ECT2L: variants seen among roughly 807,000 people sequenced by gnomAD.
The protein encoded by ECT2L is epithelial cell transforming 2 like, also known as epithelial cell-transforming sequence 2 oncogene-like.
In ECT2L, 126 loss-of-function variants were observed where a neutral mutation model predicts 122.8. The ratio of observed to expected loss-of-function variants is 1.03; its 90% confidence interval spans 0.89 to 1.19. The LOEUF (loss-of-function observed/expected upper bound fraction) is 1.19, where lower values mean the gene tolerates loss of function less well. ECT2L is among the 50% of genes most tolerant of loss of function. The pLI is 0.00. For missense variants in ECT2L, 1,012 were observed against 1,064.1 expected, an observed-to-expected ratio of 0.95 and a Z score of 0.68; for synonymous variants, 385 against 381.8, an observed-to-expected ratio of 1.01 and a Z score of -0.10.
Position 138,903,782 on chromosome 6 carries a change from C to T in ECT2L, c.*1155C>T, listed in dbSNP as rs903569166. 1.3e-5 allele frequency: 2 copies of T among 152,104 alleles called. No homozygotes were observed. Among genetic ancestry groups the T allele is most frequent in the African/African-American group, 4.8e-5 (2 of 41,412 alleles). The allele number at this position is 152,104 out of a possible 1,614,324, so 9.4% of individuals were successfully genotyped here. ...CATACTGAAAGCCACTTGGAAACTT[C>T]AGCTGATGTATATTTTTACCTAGAT... On this transcript the variant is annotated 3_prime_UTR_variant, in exon 22 of 22. Coordinates refer to ENST00000541398, the MANE Select transcript of ECT2L (RefSeq NM_001077706.3).
Position 138,838,380 on chromosome 6 carries a change from A to AAACTGGTT in ECT2L, c.208_209insAACTGGTT (p.Met70LysfsTer27). 1 of 1,610,456 alleles carries AAACTGGTT rather than the reference A, an allele frequency of 6.2e-7. No individual in the cohort carries two copies. The highest frequency in any genetic ancestry group is 8.5e-7 in the Non-Finnish European group (1 of 1,178,810). Reference sequence around the variant, plus strand: ...TGTCCAAGACTGGTTTTCAGAAAGGATGCAAGTGGCCAAAGTGGACTTCTC... The same window carrying AAACTGGTT: ...TGTCCAAGACTGGTTTTCAGAAAGGAAACTGGTTTGCAAGTGGCCAAAGTGGACTTCTC... On this transcript the variant is annotated frameshift_variant, in exon 5 of 22. Transcript: ENST00000541398. LOFTEE classifies it high-confidence loss of function.
chr6:138,882,954 T>G, intron 16 of ECT2L, 83 bp downstream of exon 16: 1 of 1,427,242 alleles, frequency 7.0e-7, no homozygotes, highest in Non-Finnish European at 9.6e-7. Flanking sequence ...CCAGCGTTAA[T>G]AAGAAAGGCT....
In ECT2L at chr6:138,824,579, AAC is replaced by A. The variant is rs148512720; in HGVS notation, c.179+9978_179+9979del. Among the ~76,000 whole-genome samples the A allele has an allele frequency of 1.5e-3, 146 of 96,626 alleles. 1 individual carries two copies. The highest frequency in any genetic ancestry group is 7.3e-3 in the South Asian group (28 of 3,816). The allele number at this position is 96,626 out of a possible 152,430, so 63.4% of individuals were successfully genotyped here. On this transcript the variant is annotated intron_variant, in intron 4 of 21. Transcript: ENST00000541398. ...ACTATAAAAAAAAACAAAAAACAAA[AAC>A]AAAAAAAACACAAAACAGTGCTTAG... is the stretch of plus-strand genomic sequence containing the variant.
In ECT2L at chr6:138,899,887, G is replaced by A. The variant is rs191278838; in HGVS notation, c.2415-1061G>A. ...CCCAGGCTATCACCACTCACTGCTCGGCTAGAACACTCCCACAGGACAAAT... is the reference window on the plus strand; with the variant it reads ...CCCAGGCTATCACCACTCACTGCTCAGCTAGAACACTCCCACAGGACAAAT... On this transcript the variant is annotated intron_variant, in intron 20 of 21. Transcript: ENST00000541398. Among the ~76,000 whole-genome samples, 25 of 152,260 alleles carry A rather than the reference G, an allele frequency of 1.6e-4. No homozygotes were observed. The East Asian group carries it at 2.9e-3, about 18-fold the overall frequency.
At chr6:138,879,975 T>TAAAATA (rs35176610) in intron 14 of ECT2L, among the ~76,000 whole-genome samples, 3 of 151,526 alleles carry the variant, frequency 2.0e-5, no homozygotes, top group Non-Finnish European at 2.9e-5. Context: ...TAAAATAAAA[T>TAAAATA]AAATAAATAC....
At chr6:138,899,346 G>A (rs755073042) in intron 20 of ECT2L, among the ~76,000 whole-genome samples, 35 of 152,146 alleles carry the variant, frequency 2.3e-4, no homozygotes, top group Admixed American at 7.2e-4. Flanking sequence ...AACTTGAAGT[G>A]ATTTCCATTG....
chr6:138,888,372 A>T (rs1054915731), intron 19 of ECT2L, among the ~76,000 whole-genome samples: 1 of 143,214 alleles, frequency 7.0e-6, no homozygotes, highest in African/African-American at 2.6e-5. Flanking sequence ...GCTGGAGTGC[A>T]GTGGCACGAT....
chr6:138,825,678 C>T (rs1776422954), intron 4 of ECT2L, among the ~76,000 whole-genome samples: 1 of 152,166 alleles, frequency 6.6e-6, no homozygotes, highest in Non-Finnish European at 1.5e-5. Context: ...AGCCTTTTTA[C>T]ACTTCTGTGC....
intron 12 of ECT2L, 84 bp from the exon 13 acceptor site, chr6:138,868,019 A>G: frequency 2.4e-6 from 2 of 833,678 alleles, no homozygotes; most frequent in Admixed American, 3.3e-5. Flanking sequence ...AAAAAAAAAA[A>G]GAAACTGTGA....
At chr6:138,886,393 G>A (rs1160290681) in intron 18 of ECT2L, among the ~76,000 whole-genome samples, 1 of 152,004 alleles carries the variant, frequency 6.6e-6, no homozygotes, top group African/African-American at 2.4e-5. Flanking sequence ...AAAACATTGG[G>A]TACAGAAAAT....
At chr6:138,843,578 G>A (rs1371145145) in intron 6 of ECT2L, among the ~76,000 whole-genome samples, 2 of 152,160 alleles carry the variant, frequency 1.3e-5, no homozygotes, top group African/African-American at 4.8e-5. Flanking sequence ...ATGAAAAGAG[G>A]AGGAGAAATG....
chr6:138,828,858 TTTCAG>T (rs1487662017), intron 4 of ECT2L, among the ~76,000 whole-genome samples: 1 of 152,144 alleles, frequency 6.6e-6, no homozygotes, highest in African/African-American at 2.4e-5. Context: ...TTTCAATCCA[TTTCAG>T]TTATTTTCTT....
At chr6:138,852,950 G>GC in intron 9 of ECT2L, among the ~76,000 whole-genome samples, 1 of 152,076 alleles carries the variant, frequency 6.6e-6, no homozygotes, top group East Asian at 1.9e-4. Flanking sequence ...CATTCTGGGT[G>GC]TTTTTTGTTT....
At chr6:138,820,241 G>A (rs1299152990) in intron 4 of ECT2L, among the ~76,000 whole-genome samples, 8 of 152,200 alleles carry the variant, frequency 5.3e-5, no homozygotes, top group Non-Finnish European at 7.3e-5. Context: ...AGGAAAGGGC[G>A]TGTAGATATT....
At chr6:138,856,031 C>A (rs1428750849) in intron 10 of ECT2L, among the ~76,000 whole-genome samples, 1 of 152,180 alleles carries the variant, frequency 6.6e-6, no homozygotes, top group Admixed American at 6.5e-5. Context: ...AATGTAATAT[C>A]CACCTGGATG....
In ECT2L at chr6:138,846,692, G is replaced by A. The variant is rs766073809; in HGVS notation, c.903+15G>A. 3 of 1,581,148 alleles carry A rather than the reference G, an allele frequency of 1.9e-6. No homozygotes were observed. The highest frequency in any genetic ancestry group is 1.7e-6 in the Non-Finnish European group (2 of 1,164,992). ...CTGCGTATGAGGTAGAGTATGTTAT[G>A]AGGCCAGTCCTGTCCTGATTGTTTT... On this transcript the variant is annotated intron_variant, in intron 8 of 21. Transcript: ENST00000541398.
chr6:138,875,470 G>A (rs539183381), intron 13 of ECT2L, among the ~76,000 whole-genome samples: 10 of 152,344 alleles, frequency 6.6e-5, no homozygotes, highest in Middle Eastern at 3.4e-3. Context: ...GATGAGGAAG[G>A]CAGCAATAAC....
In ECT2L at chr6:138,864,239, C is replaced by A. The variant is rs577886114; in HGVS notation, c.1292-757C>A. On this transcript the variant is annotated intron_variant, in intron 11 of 21. Coordinates refer to ENST00000541398, the MANE Select transcript of ECT2L (RefSeq NM_001077706.3). ...CAGGAGGCTGAGGCACGAGAATTGC[C>A]TGAACCCGGGAGGCGAAGGTTGCAG... Among the ~76,000 whole-genome samples, 4 of 152,028 alleles carry A rather than the reference C, an allele frequency of 2.6e-5. No homozygotes were observed. The South Asian group carries it at 8.3e-4, about 32-fold the overall frequency.
At position 138,854,036 on chromosome 6, in the gene ECT2L, T is replaced by C. The variant is rs1777534106; in HGVS notation, c.1080T>C (p.Ile360=). ...REINLLQGYK[I]GVKNLLRPEV... ...ATTTTTTTTCCTCAGGCTATAAAAT[T>C]GGTGTTAAAAATTTACTGAGGCCTG... The change falls in exon 10 of 22, where the codon ATT becomes ATC. Residue 360 remains isoleucine, a synonymous_variant. Transcript: ENST00000541398. 6.2e-7 allele frequency: 1 copy of C among 1,613,956 alleles called. No individual in the cohort carries two copies.
Sources: allele counts gnomAD v4.1 joint callset (sites outside exome capture counted in the v4.1 genomes callset), GRCh38; gene constraint gnomAD v4.1.1; transcripts MANE v1.5; gene names NCBI Gene and HGNC (gene_info 2026-07-23, HGNC 2026-07-21).